Variants in MGAT4C observed in about 807,000 individuals in gnomAD.
The protein encoded by MGAT4C is MGAT4 family member C.
Under a neutral mutation model 40.1 loss-of-function variants are expected in MGAT4C, and 19 were observed. The ratio of observed to expected loss-of-function variants is 0.47; its 90% CI spans 0.33 to 0.70. The LOEUF is 0.70. Ranked by LOEUF, MGAT4C falls within the 30% of genes least tolerant of loss-of-function variation. MGAT4C has a pLI of 0.02. For synonymous variants in MGAT4C, 181 were observed against 187.1 expected, an observed-to-expected ratio of 0.97 and a Z score of 0.27; for missense variants, 491 against 563.2, an observed-to-expected ratio of 0.87 and a Z score of 1.30.
chr12:86,440,400 T>G (rs1052041247), intron 2 of MGAT4C, among the ~76,000 whole-genome samples: 8 of 151,570 alleles, frequency 5.3e-5, no homozygotes, highest in Non-Finnish European at 8.9e-5. Context: ...TCAATAGACA[T>G]AGAAAAGCCA....
chr12:86,624,676 T>C (rs1208125455), intron 2 of MGAT4C, among the ~76,000 whole-genome samples: 1 of 152,042 alleles, frequency 6.6e-6, no homozygotes, highest in Non-Finnish European at 1.5e-5. Flanking sequence ...GGGAGGAATC[T>C]TTAGTTTCCC....
intron 2 of MGAT4C, among the ~76,000 whole-genome samples, chr12:86,535,949 T>C (rs1007410338): frequency 1.3e-5 from 2 of 152,252 alleles, no homozygotes; most frequent in Middle Eastern, 6.8e-3. Flanking sequence ...ATCTTGTCAG[T>C]ATTTTGTTGA....
At chr12:86,237,999 A>C (rs1430129249) in intron 1 of MGAT4C, among the ~76,000 whole-genome samples, 2 of 151,982 alleles carry the variant, frequency 1.3e-5, no homozygotes, top group African/African-American at 4.8e-5. Flanking sequence ...ATTTGGATAG[A>C]CTTTAGTTAT....
chr12:86,474,007 A>ACTCC (rs1473168410), intron 2 of MGAT4C, among the ~76,000 whole-genome samples: 1 of 151,812 alleles, frequency 6.6e-6, no homozygotes, highest in African/African-American at 2.4e-5. Context: ...ATAATGCCAT[A>ACTCC]CTCCCCTCTG....
At chr12:86,261,165 C>T (rs1174357800), upstream of MGAT4C, among the ~76,000 whole-genome samples, 2 of 152,072 alleles carry the variant, frequency 1.3e-5, no homozygotes, top group African/African-American at 4.8e-5. Context: ...AGAGTAGTAG[C>T]TCATTAAACA....
At chr12:86,681,299 TA>T in intron 2 of MGAT4C, among the ~76,000 whole-genome samples, 1 of 152,070 alleles carries the variant, frequency 6.6e-6, no homozygotes, top group Middle Eastern at 3.4e-3. Context: ...TAATAAATTA[TA>T]AAACTTTATT....
At chr12:86,543,828 CTA>C (rs1294728384) in intron 2 of MGAT4C, among the ~76,000 whole-genome samples, 2 of 1,176 alleles carry the variant, frequency 1.7e-3, no homozygotes, top group African/African-American at 0.018. Flanking sequence ...TTCTTTTAGT[CTA>C]TGCGTTTAGC....
intron 2 of MGAT4C, among the ~76,000 whole-genome samples, chr12:86,713,359 C>T (rs1950592214): frequency 6.6e-6 from 1 of 152,006 alleles, no homozygotes; most frequent in South Asian, 2.1e-4. Flanking sequence ...GAACATTCAA[C>T]CAACAACTAT....
At chr12:86,537,953 G>T (rs1283799560) in intron 2 of MGAT4C, among the ~76,000 whole-genome samples, 3 of 152,212 alleles carry the variant, frequency 2.0e-5, no homozygotes, top group Admixed American at 6.5e-5. Flanking sequence ...CAGGCGTGGT[G>T]GTGGGCGCCT....
intron 1 of MGAT4C, among the ~76,000 whole-genome samples, chr12:86,760,332 A>G (rs1022035572): frequency 1.3e-5 from 2 of 152,132 alleles, no homozygotes; most frequent in African/African-American, 2.4e-5. Flanking sequence ...AAAAACTAGA[A>G]GAAAGCTCCA....
intron 2 of MGAT4C, among the ~76,000 whole-genome samples, chr12:86,594,352 A>C (rs1387629267): frequency 3.9e-5 from 6 of 152,118 alleles, no homozygotes; most frequent in Non-Finnish European, 5.9e-5. Flanking sequence ...ATATTTAAAA[A>C]AATAAGTGTT....
Position 86,823,622 on chromosome 12 carries a change from A to G in MGAT4C, c.-262+15044T>C, listed in dbSNP as rs113832879. Reference sequence around the variant, plus strand: ...ATAAAACTATCAAAAAAAGATATCCAGGATAGAAAATGGGCAAAAAATAAA... The same window carrying G: ...ATAAAACTATCAAAAAAAGATATCCGGGATAGAAAATGGGCAAAAAATAAA... On this transcript the variant is annotated intron_variant, in intron 1 of 7. Transcript: ENST00000548651. Among the ~76,000 whole-genome samples the G allele has an allele frequency of 2.4e-3, 368 of 151,444 alleles. 1 individual carries two copies. Among genetic ancestry groups the G allele is most frequent in the African/African-American group, 8.3e-3 (344 of 41,454 alleles).
At chr12:86,685,964 G>A (rs898489135) in intron 2 of MGAT4C, among the ~76,000 whole-genome samples, 7 of 151,448 alleles carry the variant, frequency 4.6e-5, no homozygotes, top group Middle Eastern at 3.4e-3. Flanking sequence ...CCAGGTTCAC[G>A]CCATTCTCCT....
chr12:86,420,879 A>ATGTATATGTGTATATATACATACG (rs1305178091), intron 3 of MGAT4C, among the ~76,000 whole-genome samples: 9 of 146,844 alleles, frequency 6.1e-5, no homozygotes, highest in Non-Finnish European at 9.2e-5. Flanking sequence ...ATATACATAC[A>ATGTATATGTGTATATATACATACG]TGTATATGTG....
chr12:86,429,805 G>A (rs1412229157), intron 3 of MGAT4C, among the ~76,000 whole-genome samples: 1 of 151,984 alleles, frequency 6.6e-6, no homozygotes, highest in African/African-American at 2.4e-5. Flanking sequence ...TCTGTATCTG[G>A]TTATTGGCAT....
chr12:86,349,107 A>G (rs987684453), intron 3 of MGAT4C, among the ~76,000 whole-genome samples: 1 of 152,150 alleles, frequency 6.6e-6, no homozygotes, highest in Admixed American at 6.6e-5. Flanking sequence ...TATTTCCACT[A>G]TATTTTACAG....
chr12:86,744,219 G>T (rs1031971929), intron 1 of MGAT4C, among the ~76,000 whole-genome samples: 3 of 151,390 alleles, frequency 2.0e-5, no homozygotes, highest in African/African-American at 4.8e-5. Context: ...GACAACCACG[G>T]AACTAAATAA....
chr12:86,601,596 G>T (rs1961783082), intron 2 of MGAT4C, among the ~76,000 whole-genome samples: 1 of 151,978 alleles, frequency 6.6e-6, no homozygotes, highest in South Asian at 2.1e-4. Context: ...CCTGAAGCAG[G>T]CCAGGAACTC....
At position 86,647,662 on chromosome 12, in the gene MGAT4C, T is replaced by G. The variant is rs148398243; in HGVS notation, c.-229+79547A>C. Among the ~76,000 whole-genome samples the G allele has an allele frequency of 2.6e-4, 39 of 152,092 alleles. 2 individuals carry two copies. In the East Asian group the frequency reaches 7.6e-3, roughly 30 times the overall value. ...ATGTTACAATTCTTAGCTGGCTTAC[T>G]GCCCCCATCTGATATATAAAATTAC... On this transcript the variant is annotated intron_variant, in intron 2 of 7. Coordinates refer to the MGAT4C transcript ENST00000548651.
Sources: gnomAD v4.1 joint callset for allele counts (sites outside exome capture counted in the v4.1 genomes callset) on GRCh38, gnomAD v4.1.1 for gene constraint, MANE v1.5 for transcripts, NCBI Gene and HGNC (gene_info 2026-07-23, HGNC 2026-07-21) for gene names.